The following TRIM37 variants were observed in gnomAD, a reference collection of about 807,000 sequenced individuals.
TRIM37 encodes the protein tripartite motif containing 37.
Under a neutral mutation model 129.8 loss-of-function variants are expected in TRIM37, and 80 were observed. That is an observed-to-expected ratio of 0.62 (90% CI 0.51 to 0.74). TRIM37 has a LOEUF of 0.74. Ranked by LOEUF, TRIM37 falls within the 30% of genes least tolerant of loss-of-function variation. The pLI is 0.00. For synonymous variants in TRIM37, 389 were observed against 387.1 expected (o/e 1.00, Z -0.06); for missense variants, 1,054 against 1,176.5 (o/e 0.90, Z 1.52).
chr17:58,996,100 A>T (rs982015310), downstream of TRIM37, among the ~76,000 whole-genome samples: 11 of 152,158 alleles, frequency 7.2e-5, no homozygotes, highest in African/African-American at 2.2e-4. Context: ...GGGAAAACGT[A>T]AATCTATAGT....
Position 59,056,716 on chromosome 17 carries a change from CAAAAAAAAAAAAAAAA to C in TRIM37, c.1199+143_1199+158del, listed in dbSNP as rs869221576. On this transcript the variant is annotated intron_variant, in intron 13 of 23. Transcript: ENST00000262294. Reference sequence around the variant, plus strand: ...GGGCGACAGAGCGAGACTATGTCTCCAAAAAAAAAAAAAAAAAAAAAAAAAAAAAAAGGTGATAAGG... The same window carrying C: ...GGGCGACAGAGCGAGACTATGTCTCCAAAAAAAAAAAAAAAGGTGATAAGG... 2.8e-3 allele frequency among the ~76,000 whole-genome samples: 106 copies of C among 38,046 alleles called. 1 individual carries two copies. Among genetic ancestry groups the C allele is most frequent in the East Asian group, 4.5e-3 (5 of 1,108 alleles). 25.0% of individuals were successfully genotyped at this position (38,046 alleles called of 152,430 possible).
At chr17:58,996,341 A>G (rs539742865), downstream of TRIM37, among the ~76,000 whole-genome samples, 12 of 151,840 alleles carry the variant, frequency 7.9e-5, no homozygotes, top group African/African-American at 2.9e-4. Flanking sequence ...GTGGTGGTGC[A>G]TGCCTGTAAT....
intron 17 of TRIM37, among the ~76,000 whole-genome samples, chr17:59,034,754 T>C (rs534517630): frequency 6.6e-6 from 1 of 152,232 alleles, no homozygotes; most frequent in African/African-American, 2.4e-5. Context: ...TCCAAGCTAT[T>C]CTGTGTGTCT....
chr17:58,969,912 A>T, the TRIM37 span, among the ~76,000 whole-genome samples: 6 of 152,218 alleles, frequency 3.9e-5, no homozygotes, highest in African/African-American at 1.4e-4. Flanking sequence ...TTCAGGGGGT[A>T]CAATGAGGTA....
chr17:59,066,286 C>A (rs762094473), intron 9 of TRIM37, among the ~76,000 whole-genome samples: 1 of 152,320 alleles, frequency 6.6e-6, no homozygotes, highest in East Asian at 1.9e-4. Flanking sequence ...GTGCAACTTT[C>A]AATCAGGTCT....
Position 59,106,537 on chromosome 17 carries a change from C to A in TRIM37, c.-76G>T. ...GACCTCTTAGGCGCCGGCCCGAGGT[C>A]GCCAGATCAAATCGCCGATAAAAGC... On this transcript the variant is annotated 5_prime_UTR_variant, in exon 1 of 24. Coordinates refer to ENST00000262294, the MANE Select transcript of TRIM37 (RefSeq NM_015294.6). The A allele has an allele frequency of 6.3e-7, 1 of 1,582,722 alleles. No homozygotes were observed. Among genetic ancestry groups the A allele is most frequent in the Non-Finnish European group, 8.6e-7 (1 of 1,158,660 alleles).
rs1277190636 is a variant in TRIM37, at chr17:59,084,093, T to C, written c.282-4A>G. The stretch of plus-strand genomic sequence containing the variant: ...TTTTTCATGGTGATTTTCACATCTA[T>C]ACATTATGAAAAGAAAATGAAGTTA... On this transcript the variant is annotated splice_polypyrimidine_tract_variant and splice_region_variant and intron_variant, in intron 4 of 23. Coordinates refer to ENST00000262294, the MANE Select transcript of TRIM37 (RefSeq NM_015294.6). 1.4e-5 allele frequency: 22 copies of C among 1,604,618 alleles called. No individual in the cohort carries two copies. In the East Asian group the frequency reaches 2.7e-4, roughly 20 times the overall value.
At chr17:59,062,414 T>TA (rs1405693994) in intron 11 of TRIM37, among the ~76,000 whole-genome samples, 153 bp downstream of exon 11, 1 of 152,120 alleles carries the variant, frequency 6.6e-6, no homozygotes, top group Non-Finnish European at 1.5e-5. Context: ...AACAGTTGTC[T>TA]AATATGGGGG....
chr17:59,105,154 C>CT lies in TRIM37; in HGVS notation c.22-761dup, dbSNP rs534901685. On this transcript the variant is annotated intron_variant, in intron 1 of 23. Coordinates refer to ENST00000262294, the MANE Select transcript of TRIM37 (RefSeq NM_015294.6). ...TATATGACTGAATACACAACATGAA[C>CT]TTTTAACTTTTTCTGCAATTTCCCC... Among the ~76,000 whole-genome samples, 8 of 150,364 alleles carry CT rather than the reference C, an allele frequency of 5.3e-5. No individual in the cohort carries two copies. In the East Asian group the frequency reaches 1.6e-3, roughly 29 times the overall value.
At chr17:58,997,066 A>T (rs1027096260), downstream of TRIM37, among the ~76,000 whole-genome samples, 2 of 152,174 alleles carry the variant, frequency 1.3e-5, no homozygotes, top group Non-Finnish European at 2.9e-5. Context: ...AACAAAATAC[A>T]ATGTGGGATC....
At position 58,998,594 on chromosome 17, in the gene TRIM37, TAAAG is replaced by T; in HGVS notation, c.*779_*782del. 1 of 985,208 alleles carries T rather than the reference TAAAG, an allele frequency of 1.0e-6. No homozygotes were observed. Among genetic ancestry groups the T allele is most frequent in the Non-Finnish European group, 1.2e-6 (1 of 829,880 alleles). The allele number at this position is 985,208 out of a possible 1,614,324, so 61.0% of individuals were successfully genotyped here. A position where few individuals can be genotyped will look rare whatever the true frequency, so the allele number is the denominator to read the frequency against. Reference sequence around the variant, plus strand: ...GAAATCAATGTACAACTAATGAAAATAAAGAAGAAAAGGGGGCTTTAAAATATTT... The same window carrying T: ...GAAATCAATGTACAACTAATGAAAATAAGAAAAGGGGGCTTTAAAATATTT... On this transcript the variant is annotated 3_prime_UTR_variant, in exon 24 of 24. Transcript: ENST00000262294.
chr17:59,014,571 C>T (rs1304531338), intron 21 of TRIM37, among the ~76,000 whole-genome samples: 1 of 151,838 alleles, frequency 6.6e-6, no homozygotes, highest in Admixed American at 6.6e-5. Flanking sequence ...ACTTTGATAA[C>T]AGGAGAGAAG....
chr17:58,996,792 ATGTGTG>A (rs111408971), downstream of TRIM37, among the ~76,000 whole-genome samples: 42 of 79,410 alleles, frequency 5.3e-4, no homozygotes, highest in Non-Finnish European at 7.8e-4. Context: ...GTATATATAT[ATGTGTG>A]TGTGTGTGTG....
At position 59,064,348 on chromosome 17, in the gene TRIM37, C is replaced by T. The variant is rs1470845707; in HGVS notation, c.860+7G>A. 1 of 1,596,932 alleles carries T rather than the reference C, an allele frequency of 6.3e-7. No homozygotes were observed. Among genetic ancestry groups the T allele is most frequent in the Admixed American group, 1.7e-5 (1 of 58,576 alleles). ...ACAAAAAAACCAGAATTGTCAAAAA[C>T]TCTTACCTGAAATTCTCTAAAACAA... On this transcript the variant is annotated splice_region_variant and intron_variant, in intron 10 of 23. Transcript: ENST00000262294.
In TRIM37 at chr17:59,091,585, A is replaced by ATG. The variant is rs1288255500; in HGVS notation, c.124-246_124-245insCA. On this transcript the variant is annotated intron_variant, in intron 2 of 23. Transcript: ENST00000262294. Reference sequence around the variant, plus strand: ...ATATATATAATATATATAATGTATAATATATTATACATTATATATATAATA... The same window carrying ATG: ...ATATATATAATATATATAATGTATAATGTATATTATACATTATATATATAATA... 9.4e-5 allele frequency among the ~76,000 whole-genome samples: 11 copies of ATG among 116,572 alleles called. No homozygotes were observed. The East Asian group carries it at 1.7e-3, about 18-fold the overall frequency. 76.5% of individuals were successfully genotyped at this position (116,572 alleles called of 152,430 possible).
At chr17:59,035,500 T>C (rs546452780) in intron 17 of TRIM37, among the ~76,000 whole-genome samples, 1 of 151,916 alleles carries the variant, frequency 6.6e-6, no homozygotes, top group East Asian at 2.0e-4. Context: ...ACGCCTGTAA[T>C]CCCAGCACTT....
rs1239405798 is a variant in TRIM37, at chr17:58,989,178, A to G, written c.2892-6257T>C. On this transcript the variant is annotated intron_variant, in intron 24 of 24. Coordinates refer to the TRIM37 transcript ENST00000393066. Reference sequence around the variant, plus strand: ...GATTTTGGAAATGAGAGAGAATTTTAAATAATTATTGTTTTGAGAGGCCAA... The same window carrying G: ...GATTTTGGAAATGAGAGAGAATTTTGAATAATTATTGTTTTGAGAGGCCAA... Among the ~76,000 whole-genome samples, 3 of 152,114 alleles carry G rather than the reference A, an allele frequency of 2.0e-5. No individual in the cohort carries two copies. In the East Asian group the frequency reaches 5.8e-4, roughly 29 times the overall value.
intron 17 of TRIM37, among the ~76,000 whole-genome samples, chr17:59,035,200 C>A (rs2038326825): frequency 6.6e-6 from 1 of 151,906 alleles, no homozygotes; most frequent in Non-Finnish European, 1.5e-5. Flanking sequence ...GCTGGGGTTA[C>A]AAGCGTGCGC....
chr17:59,013,953 A>G (rs556733438), intron 21 of TRIM37, among the ~76,000 whole-genome samples: 1 of 152,334 alleles, frequency 6.6e-6, no homozygotes, highest in East Asian at 1.9e-4. Flanking sequence ...ATGAGGATCA[A>G]GCTGCACACA....
Sources: gnomAD v4.1 joint callset for allele counts (sites outside exome capture counted in the v4.1 genomes callset) on GRCh38, gnomAD v4.1.1 for gene constraint, MANE v1.5 for transcripts, NCBI Gene and HGNC (gene_info 2026-07-23, HGNC 2026-07-21) for gene names.